The following PDE3A variants were observed in gnomAD, a reference collection of about 807,000 sequenced individuals.
The protein encoded by PDE3A is phosphodiesterase 3A.
PDE3A carries 43 observed loss-of-function variants against 98.3 expected under a neutral mutation model. The ratio of observed to expected loss-of-function variants is 0.44; its 90% CI spans 0.34 to 0.56. The LOEUF (loss-of-function observed/expected upper bound fraction) is 0.56, where lower values mean the gene tolerates loss of function less well. Ranked by LOEUF, PDE3A falls within the 20% of genes least tolerant of loss-of-function variation. PDE3A has a pLI of 0.01. For missense variants in PDE3A, 1,427 were observed against 1,440.7 expected (o/e 0.99, Z 0.15); for synonymous variants, 663 against 567.9 (o/e 1.17, Z -2.38).
intron 8 of PDE3A, among the ~76,000 whole-genome samples, chr12:20,635,984 G>C (rs1214926861): frequency 6.6e-6 from 1 of 152,020 alleles, no homozygotes; most frequent in African/African-American, 2.4e-5. Flanking sequence ...GTAAATATAG[G>C]AAAATGTATT....
chr12:20,465,644 C>T (rs913761980), intron 1 of PDE3A, among the ~76,000 whole-genome samples: 3 of 151,994 alleles, frequency 2.0e-5, no homozygotes, highest in African/African-American at 4.8e-5. Flanking sequence ...CTCCTGACCC[C>T]GTAATCTGCC....
chr12:20,380,775 TA>T (rs1055932970), intron 1 of PDE3A, among the ~76,000 whole-genome samples: 4 of 151,928 alleles, frequency 2.6e-5, no homozygotes, highest in African/African-American at 9.6e-5. Flanking sequence ...ATATACTACT[TA>T]AAAAAATCTC....
intron 15 of PDE3A, among the ~76,000 whole-genome samples, chr12:20,660,523 C>T (rs1399564353): frequency 2.6e-5 from 4 of 152,016 alleles, no homozygotes; most frequent in Admixed American, 6.5e-5. Context: ...GGCTGTGTCT[C>T]CACCCAAATC....
chr12:20,521,858 C>G (rs78289949), intron 1 of PDE3A, among the ~76,000 whole-genome samples: 5,067 of 152,144 alleles, frequency 0.033, 124 homozygotes, highest in Middle Eastern at 0.065. Flanking sequence ...AACCAACTTA[C>G]CTACAGAAAT....
chr12:20,477,880 G>A (rs371704680), intron 1 of PDE3A, among the ~76,000 whole-genome samples: 3 of 152,264 alleles, frequency 2.0e-5, no homozygotes, highest in African/African-American at 7.2e-5. Flanking sequence ...GTCTTCTCAT[G>A]ATTCTTCTGC....
chr12:20,457,605 T>G (rs1262723457), intron 1 of PDE3A, among the ~76,000 whole-genome samples: 1 of 151,650 alleles, frequency 6.6e-6, no homozygotes, highest in Non-Finnish European at 1.5e-5. Context: ...CAGAATAGAA[T>G]ACAGATTTTC....
At chr12:20,574,120 G>A (rs773742166) in intron 2 of PDE3A, among the ~76,000 whole-genome samples, 11 of 152,004 alleles carry the variant, frequency 7.2e-5, no homozygotes, top group Non-Finnish European at 1.3e-4. Context: ...AGTTTATTTG[G>A]AGTAGAAATT....
In PDE3A at chr12:20,687,722, C is replaced by A. The variant is rs1224567832; in HGVS notation, c.*7451C>A. On this transcript the variant is annotated 3_prime_UTR_variant, in exon 16 of 16. Transcript: ENST00000359062. ...TACAAATATTTGAAAGCTCTCAATGCAAAATAATAAAAATGAGATTCTCCC... is the reference window on the plus strand; with the variant it reads ...TACAAATATTTGAAAGCTCTCAATGAAAAATAATAAAAATGAGATTCTCCC... Among the ~76,000 whole-genome samples, 3 of 151,564 alleles carry A rather than the reference C, an allele frequency of 2.0e-5. No individual in the cohort carries two copies. The highest frequency in any genetic ancestry group is 4.4e-5 in the Non-Finnish European group (3 of 67,852).
At position 20,686,734 on chromosome 12, in the gene PDE3A, C is replaced by T. The variant is rs142140731; in HGVS notation, c.*6463C>T. ...ACTTCTCTTACTCAATATTAGTAACCAAAAAATAAGCAGAAATTCTCCTCT... is the reference window on the plus strand; with the variant it reads ...ACTTCTCTTACTCAATATTAGTAACTAAAAAATAAGCAGAAATTCTCCTCT... On this transcript the variant is annotated 3_prime_UTR_variant, in exon 16 of 16. Coordinates refer to ENST00000359062, the MANE Select transcript of PDE3A (RefSeq NM_000921.5). Among the ~76,000 whole-genome samples the T allele has an allele frequency of 6.8e-3, 1,032 of 152,038 alleles. 12 individuals are homozygous for T. The highest frequency in any genetic ancestry group is 0.011 in the Non-Finnish European group (722 of 67,930).
In PDE3A at chr12:20,457,451, T is replaced by C. The variant is rs372054889; in HGVS notation, c.960+87207T>C. ...AATAAAATTTATACATATACATGCA[T>C]GTAACACATAAAAATATTTGCATAT... On this transcript the variant is annotated intron_variant, in intron 1 of 15. Transcript: ENST00000359062. Among the ~76,000 whole-genome samples, 68 of 151,986 alleles carry C rather than the reference T, an allele frequency of 4.5e-4. 1 individual carries two copies. The highest frequency in any genetic ancestry group is 6.8e-3 in the Middle Eastern group (2 of 292).
Position 20,552,722 on chromosome 12 carries a change from T to C in PDE3A, c.961-3938T>C. Reference sequence around the variant, plus strand: ...AACGCCAAGCTGTGGAATGAGGTCCTGGCGTCACTCAAGGACCGGCCGGCG... The same window carrying C: ...AACGCCAAGCTGTGGAATGAGGTCCCGGCGTCACTCAAGGACCGGCCGGCG... On this transcript the variant is annotated intron_variant, in intron 1 of 15. Transcript: ENST00000359062. This position sits in a 1 kb window ranked among gnomAD's most constrained non-coding sequence, Gnocchi z 5.1. 6.2e-7 allele frequency: 1 copy of C among 1,614,044 alleles called. No homozygotes were observed. Among genetic ancestry groups the C allele is most frequent in the Non-Finnish European group, 8.5e-7 (1 of 1,179,898 alleles).
intron 14 of PDE3A, among the ~76,000 whole-genome samples, chr12:20,651,919 TC>T (rs1316662496): frequency 7.9e-6 from 1 of 126,694 alleles, no homozygotes; most frequent in Admixed American, 8.2e-5. Context: ...CCCTCCCTCC[TC>T]CCCCCACCCC....
At chr12:20,467,980 A>G (rs1162812449) in intron 1 of PDE3A, among the ~76,000 whole-genome samples, 10 of 118,780 alleles carry the variant, frequency 8.4e-5, no homozygotes, top group African/African-American at 2.9e-4. Flanking sequence ...AAAAAAAAAA[A>G]GAGTTGCTTA....
intron 1 of PDE3A, among the ~76,000 whole-genome samples, chr12:20,405,842 C>T (rs955008801): frequency 1.3e-5 from 2 of 152,142 alleles, no homozygotes; most frequent in African/African-American, 4.8e-5. Flanking sequence ...TGAACTTACT[C>T]ATCTTGTAAC....
At chr12:20,392,911 G>A (rs958855413) in intron 1 of PDE3A, among the ~76,000 whole-genome samples, 12 of 152,094 alleles carry the variant, frequency 7.9e-5, no homozygotes, top group Middle Eastern at 6.8e-3. Flanking sequence ...TTATATGTGG[G>A]AGCCTAAAAA....
rs917661512 is a variant in PDE3A at position 20,567,192 on chromosome 12, T to C, written c.1011+10482T>C. 7.9e-5 allele frequency among the ~76,000 whole-genome samples: 12 copies of C among 151,992 alleles called. No homozygotes were observed. The East Asian group carries it at 2.3e-3, about 29-fold the overall frequency. On this transcript the variant is annotated intron_variant, in intron 2 of 15. Transcript: ENST00000359062. ...TTTTAATTAATATTTCTAAAATAAA[T>C]GAAAACATTATAATTTATGAACTTA...
intron 2 of PDE3A, among the ~76,000 whole-genome samples, chr12:20,566,016 C>T (rs1356787383): frequency 2.6e-5 from 4 of 151,844 alleles, no homozygotes; most frequent in East Asian, 3.9e-4. Flanking sequence ...GATTGTCCCA[C>T]GTTATGTAAA....
At chr12:20,507,308 T>A (rs1946137479) in intron 1 of PDE3A, among the ~76,000 whole-genome samples, 1 of 152,030 alleles carries the variant, frequency 6.6e-6, no homozygotes, top group South Asian at 2.1e-4. Context: ...CTCAGTTTGA[T>A]TTCTTAGTCC....
At chr12:20,521,566 T>C (rs868276968) in intron 1 of PDE3A, among the ~76,000 whole-genome samples, 49 of 152,348 alleles carry the variant, frequency 3.2e-4, no homozygotes, top group Middle Eastern at 3.4e-3. Context: ...GTGTATTTTA[T>C]ACGATGCTTT....
Sources: allele counts gnomAD v4.1 joint callset (sites outside exome capture counted in the v4.1 genomes callset), GRCh38; gene constraint gnomAD v4.1.1; non-coding constraint Gnocchi (gnomAD v3.1); transcripts MANE v1.5; gene names NCBI Gene and HGNC (gene_info 2026-07-23, HGNC 2026-07-21).